The following PPP1R21 variants were observed in gnomAD, a reference collection of about 807,000 sequenced individuals.
PPP1R21 encodes KLRAQ motif containing 1.
A neutral mutation model predicts 112.8 loss-of-function variants in PPP1R21; 85 were observed. The ratio of observed to expected loss-of-function variants is 0.75; its 90% CI spans 0.63 to 0.90. The LOEUF (loss-of-function observed/expected upper bound fraction) is 0.90. PPP1R21 is among the 40% of genes least tolerant of loss of function. The pLI, the probability that PPP1R21 is intolerant of heterozygous loss-of-function variation, is 0.00. For synonymous variants in PPP1R21, 381 were observed against 322.3 expected (o/e 1.18, Z -1.95); for missense variants, 1,199 against 901.5 (o/e 1.33, Z -4.23).
chr2:48,446,028 A>C (rs1667230174), intron 1 of PPP1R21, among the ~76,000 whole-genome samples: 1 of 152,204 alleles, frequency 6.6e-6, no homozygotes, highest in Admixed American at 6.5e-5. Flanking sequence ...TGTCTTGCAC[A>C]CGTCACTTTG....
chr2:48,464,916 T>A (rs763969091), intron 7 of PPP1R21, 21 bp from the exon 8 acceptor site: 6 of 1,552,614 alleles, frequency 3.9e-6, no homozygotes, highest in Non-Finnish European at 5.2e-6. Flanking sequence ...AGACTTAATG[T>A]ACATTATTTT....
intron 13 of PPP1R21, among the ~76,000 whole-genome samples, chr2:48,485,844 T>C (rs1050657033): frequency 9.4e-5 from 14 of 148,480 alleles, no homozygotes; most frequent in African/African-American, 3.4e-4. Flanking sequence ...GTGATTGACA[T>C]ATATATAGTT....
At chr2:48,451,100 G>T in intron 2 of PPP1R21, 24 bp downstream of exon 2, 4 of 1,598,158 alleles carry the variant, frequency 2.5e-6, no homozygotes, top group African/African-American at 1.3e-5. Context: ...TATTTGTGTT[G>T]TGAGGGTTAA....
At chr2:48,487,030 A>G (rs557675199) in intron 14 of PPP1R21, among the ~76,000 whole-genome samples, 1 of 152,306 alleles carries the variant, frequency 6.6e-6, no homozygotes, top group South Asian at 2.1e-4. Flanking sequence ...CATGCACTGC[A>G]TGCTGCTTTC....
intron 13 of PPP1R21, among the ~76,000 whole-genome samples, chr2:48,485,827 A>G (rs920638277): frequency 6.7e-6 from 1 of 149,526 alleles, no homozygotes; most frequent in Non-Finnish European, 1.5e-5. Context: ...AAAAATTTTC[A>G]TGTTTTGTGA....
At chr2:48,513,368 CTAATTTTTTTTTTTTTTG>C (rs1670725065) in intron 21 of PPP1R21, among the ~76,000 whole-genome samples, 1 of 146,660 alleles carries the variant, frequency 6.8e-6, no homozygotes, top group South Asian at 2.2e-4. Flanking sequence ...CCATGCCCGG[CTAATTTTTTTTTTTTTTG>C]TATTTTTGCA....
At chr2:48,446,298 G>A (rs1479675587) in intron 1 of PPP1R21, among the ~76,000 whole-genome samples, 4 of 152,190 alleles carry the variant, frequency 2.6e-5, no homozygotes, top group Non-Finnish European at 2.9e-5. Flanking sequence ...AGTGGCATGA[G>A]AGAAGTCATA....
chr2:48,462,522 G>A (rs548764509), intron 7 of PPP1R21, among the ~76,000 whole-genome samples: 1 of 152,260 alleles, frequency 6.6e-6, no homozygotes, highest in East Asian at 1.9e-4. Context: ...CAGAGATAAG[G>A]GTAAAATCTA....
intron 19 of PPP1R21, among the ~76,000 whole-genome samples, chr2:48,508,731 A>G (rs1670501334): frequency 6.6e-6 from 1 of 152,214 alleles, no homozygotes; most frequent in Non-Finnish European, 1.5e-5. Context: ...TGCTGAGCAC[A>G]GAATAGATGT....
chr2:48,510,163 C>T (rs773377350), intron 20 of PPP1R21, 50 bp downstream of exon 20: 1 of 1,387,502 alleles, frequency 7.2e-7, no homozygotes, highest in Non-Finnish European at 1.0e-6. Flanking sequence ...ATTGAAAGTT[C>T]TTTGGTAGCA....
At chr2:48,455,142 ATTTTTTTTTT>A (rs767494556) in intron 3 of PPP1R21, among the ~76,000 whole-genome samples, 1 of 117,016 alleles carries the variant, frequency 8.5e-6, no homozygotes, top group African/African-American at 3.3e-5. Context: ...CCGGCCCTGA[ATTTTTTTTTT>A]TTTTTTTTTT....
intron 12 of PPP1R21, among the ~76,000 whole-genome samples, chr2:48,475,100 C>T (rs1490103961): frequency 6.6e-6 from 1 of 152,158 alleles, no homozygotes; most frequent in African/African-American, 2.4e-5. Flanking sequence ...CACCTGTCAT[C>T]CCAGCACGTT....
rs1187644392 is a variant in PPP1R21, at chr2:48,474,797, C to T, written c.1203C>T (p.Tyr401=). 1 of 1,613,446 alleles carries T rather than the reference C, an allele frequency of 6.2e-7. No homozygotes were observed. Among genetic ancestry groups the T allele is most frequent in the African/African-American group, 1.3e-5 (1 of 75,034 alleles). ...CTGTGTTTGAGAAGCTGCAGACTTA[C>T]ATAGCTCTTCTTGCCTTGCCAAGTA... is the stretch of plus-strand genomic sequence containing the variant. ...MTAVFEKLQT[Y]IALLALPSTE... is the part of the protein sequence containing the mutation. The change falls in exon 12 of 22, where the codon TAC becomes TAT. Residue 401 remains tyrosine (Y), a synonymous_variant. Transcript: ENST00000294952.
chr2:48,468,407 A>G (rs985394198), intron 9 of PPP1R21, among the ~76,000 whole-genome samples: 3 of 152,282 alleles, frequency 2.0e-5, no homozygotes, highest in African/African-American at 7.2e-5. Context: ...GGCCTTTGAA[A>G]TGTTCTTTAA....
chr2:48,504,438 C>T (rs1041936860), intron 17 of PPP1R21, among the ~76,000 whole-genome samples: 4 of 152,080 alleles, frequency 2.6e-5, no homozygotes, highest in African/African-American at 9.7e-5. Flanking sequence ...GTCAGGAGTT[C>T]AAGACCAGCC....
intron 9 of PPP1R21, 70 bp from the exon 10 acceptor site, chr2:48,471,017 C>A: frequency 9.6e-7 from 1 of 1,044,280 alleles, no homozygotes; most frequent in Non-Finnish European, 1.5e-6. Context: ...TTTGGTGGGT[C>A]CATTTAGAAA....
Position 48,515,216 on chromosome 2 carries a change from T to TTGTCTCTCTCTCTC in PPP1R21, c.*473_*474insGTCTCTCTCTCTCT. ...TTCTTTTTAAAAGATTTGTTCATAT[T>TTGTCTCTCTCTCTC]TCTCTCTCTCTCTCTCTCTCTCTCT... On this transcript the variant is annotated 3_prime_UTR_variant, in exon 22 of 22. Coordinates refer to ENST00000294952, the MANE Select transcript of PPP1R21 (RefSeq NM_001135629.3). The TTGTCTCTCTCTCTC allele has an allele frequency of 7.3e-6, 1 of 136,890 alleles. No homozygotes were observed. 8.5% of individuals were successfully genotyped at this position (136,890 alleles called of 1,614,324 possible).
At chr2:48,473,126 A>G (rs1459619271) in intron 11 of PPP1R21, among the ~76,000 whole-genome samples, 3 of 151,628 alleles carry the variant, frequency 2.0e-5, no homozygotes, top group Non-Finnish European at 4.4e-5. Flanking sequence ...ATATTAAGAG[A>G]CATCTTCTTT....
chr2:48,487,089 T>G (rs1040226228), intron 14 of PPP1R21, among the ~76,000 whole-genome samples: 1 of 152,218 alleles, frequency 6.6e-6, no homozygotes, highest in African/African-American at 2.4e-5. Flanking sequence ...GCATTTGTCT[T>G]GGATGTGTAG....
Sources: gnomAD v4.1 joint callset for allele counts (sites outside exome capture counted in the v4.1 genomes callset) on GRCh38, gnomAD v4.1.1 for gene constraint, MANE v1.5 for transcripts, NCBI Gene and HGNC (gene_info 2026-07-23, HGNC 2026-07-21) for gene names.